CASP10: variants seen among roughly 807,000 people sequenced by gnomAD.
The protein encoded by CASP10 is caspase-10.
CASP10 carries 41 observed loss-of-function variants against 48.5 expected under a neutral mutation model. That is an observed-to-expected ratio of 0.85 (90% CI 0.66 to 1.10). The LOEUF (loss-of-function observed/expected upper bound fraction) is 1.10, where lower values mean the gene tolerates loss of function less well. Ranked by LOEUF, CASP10 falls within the 50% of genes least tolerant of loss-of-function variation. CASP10 has a pLI of 0.00. For synonymous variants in CASP10, 232 were observed against 238.4 expected (o/e 0.97, Z 0.25); for missense variants, 614 against 614.5 (o/e 1.00, Z 0.01).
intron 6 of CASP10, 116 bp downstream of exon 6, chr2:201,203,882 TAATTC>T: frequency 1.2e-6 from 1 of 857,910 alleles, no homozygotes; most frequent in South Asian, 1.4e-5. Context: ...AAATAATGAA[TAATTC>T]ATTTTTTATT....
intron 2 of CASP10, among the ~76,000 whole-genome samples, chr2:201,186,889 T>C (rs1465561263): frequency 6.6e-6 from 1 of 152,140 alleles, no homozygotes; most frequent in African/African-American, 2.4e-5. Context: ...GTTTCCAACA[T>C]GTTGGCCAGG....
chr2:201,206,973 A>C (rs903312962), intron 7 of CASP10, among the ~76,000 whole-genome samples: 12 of 152,102 alleles, frequency 7.9e-5, no homozygotes, highest in African/African-American at 2.9e-4. Context: ...CTTAACTGTC[A>C]TGATTGAGCT....
chr2:201,209,162 CAGAAGTGCAATCCAGCCCATGCCGACGG>C lies in CASP10; in HGVS notation c.1016_1043del (p.Gln339ArgfsTer9). 1 of 1,611,980 alleles carries C rather than the reference CAGAAGTGCAATCCAGCCCATGCCGACGG, an allele frequency of 6.2e-7. No individual in the cohort carries two copies. Among genetic ancestry groups the C allele is most frequent in the Non-Finnish European group, 8.5e-7 (1 of 1,179,062 alleles). On this transcript the variant is annotated frameshift_variant, in exon 9 of 10. Coordinates refer to ENST00000286186, the MANE Select transcript of CASP10 (RefSeq NM_032977.4). LOFTEE classifies it high-confidence loss of function. Reference sequence around the variant, plus strand: ...GGAAATGGAGATGGTCCTGCAGAAGCAGAAGTGCAATCCAGCCCATGCCGACGGGGACTGCTTCGTGTTCTGTATTCTG... The same window carrying C: ...GGAAATGGAGATGGTCCTGCAGAAGCGGACTGCTTCGTGTTCTGTATTCTG...
rs538700438 is a variant in CASP10, at chr2:201,206,110, C to T, written c.813+137C>T. ...TTTAAGGGCTCCGAGCTGTTTGTTT[C>T]AGACTTGTTTCTCCCTCTCTCTGTA... is the stretch of plus-strand genomic sequence containing the variant. On this transcript the variant is annotated intron_variant, in intron 7 of 9. Transcript: ENST00000286186. 1.3e-5 allele frequency: 8 copies of T among 612,102 alleles called. No individual in the cohort carries two copies. In the South Asian group the frequency reaches 1.4e-4, roughly 11 times the overall value. 37.9% of individuals were successfully genotyped at this position (612,102 alleles called of 1,614,324 possible).
chr2:201,217,818 T>A lies in CASP10; in HGVS notation c.*77T>A, dbSNP rs191438878. 9.3e-6 allele frequency: 15 copies of A among 1,612,514 alleles called. No individual in the cohort carries two copies. The highest frequency in any genetic ancestry group is 1.2e-5 in the Non-Finnish European group (14 of 1,179,170). ...TCCAGCCTCCTGCCCAGCACAGGAATCGGTGGTCTCCACCTGTCATTCTAG... is the reference window on the plus strand; with the variant it reads ...TCCAGCCTCCTGCCCAGCACAGGAAACGGTGGTCTCCACCTGTCATTCTAG... On this transcript the variant is annotated 3_prime_UTR_variant, in exon 10 of 10. Transcript: ENST00000286186.
At chr2:201,200,389 CG>C in intron 5 of CASP10, 1 of 1,512,688 alleles carries the variant, frequency 6.6e-7, no homozygotes, top group South Asian at 1.1e-5. Flanking sequence ...TCTCCACATT[CG>C]TAAGTTGGCT....
intron 7 of CASP10, among the ~76,000 whole-genome samples, chr2:201,206,840 G>A (rs1945224204): frequency 1.3e-5 from 2 of 152,016 alleles, no homozygotes; most frequent in Non-Finnish European, 2.9e-5. Context: ...AAAAATCTTT[G>A]ATATTTATGT....
At chr2:201,193,298 C>T in intron 4 of CASP10, 179 bp downstream of exon 4, 4 of 532,816 alleles carry the variant, frequency 7.5e-6, no homozygotes, top group Non-Finnish European at 1.4e-5. Context: ...ACCTCCGCCT[C>T]CCGGGTTCAA....
chr2:201,205,389 C>A (rs966810047), intron 6 of CASP10, among the ~76,000 whole-genome samples: 3 of 151,756 alleles, frequency 2.0e-5, no homozygotes, highest in Non-Finnish European at 2.9e-5. Context: ...CCATGCCCAG[C>A]TAATTTTTTG....
chr2:201,195,818 TTCTG>T lies in CASP10; in HGVS notation c.578-18_578-15del, dbSNP rs759715336. On this transcript the variant is annotated intron_variant, in intron 4 of 9. Transcript: ENST00000286186. Reference sequence around the variant, plus strand: ...GCTAGTCAGAAGGTGATTTTTATTTTTCTGTCTGTGATTTTATTTTCAGCTATCC... The same window carrying T: ...GCTAGTCAGAAGGTGATTTTTATTTTTCTGTGATTTTATTTTCAGCTATCC... 1 of 1,570,976 alleles carries T rather than the reference TTCTG, an allele frequency of 6.4e-7. No individual in the cohort carries two copies. Among genetic ancestry groups the T allele is most frequent in the Non-Finnish European group, 8.8e-7 (1 of 1,140,904 alleles).
At chr2:201,196,918 A>C (rs777845566) in intron 5 of CASP10, among the ~76,000 whole-genome samples, 1 of 152,126 alleles carries the variant, frequency 6.6e-6, no homozygotes, top group Non-Finnish European at 1.5e-5. Flanking sequence ...ACCTCATATA[A>C]GTAGAACCAT....
At chr2:201,194,858 A>C (rs932439872) in intron 4 of CASP10, among the ~76,000 whole-genome samples, 1 of 152,014 alleles carries the variant, frequency 6.6e-6, no homozygotes, top group Non-Finnish European at 1.5e-5. Context: ...GGCTCACTGC[A>C]AGATCTGCCT....
In CASP10 at chr2:201,192,980, G is replaced by A. The variant is rs1395754109; in HGVS notation, c.442-4G>A. The A allele has an allele frequency of 1.2e-6, 2 of 1,612,946 alleles. No individual in the cohort carries two copies. The highest frequency in any genetic ancestry group is 2.2e-5 in the South Asian group (2 of 91,044). On this transcript the variant is annotated splice_polypyrimidine_tract_variant and splice_region_variant and intron_variant, in intron 3 of 9. Coordinates refer to ENST00000286186, the MANE Select transcript of CASP10 (RefSeq NM_032977.4). ...TAAATGTAACTCTATTGATTCTCTTGTAGACCTCCCTAAGTTTCCTGGCAT... is the reference window on the plus strand; with the variant it reads ...TAAATGTAACTCTATTGATTCTCTTATAGACCTCCCTAAGTTTCCTGGCAT...
At position 201,218,704 on chromosome 2, in the gene CASP10, A is replaced by G. The variant is rs1945647328; in HGVS notation, c.*963A>G. 1 of 985,370 alleles carries G rather than the reference A, an allele frequency of 1.0e-6. No homozygotes were observed. The highest frequency in any genetic ancestry group is 4.7e-5 in the South Asian group (1 of 21,276). The allele number at this position is 985,370 out of a possible 1,614,324, so 61.0% of individuals were successfully genotyped here. A position where few individuals can be genotyped will look rare whatever the true frequency, so the allele number is the denominator to read the frequency against. On this transcript the variant is annotated 3_prime_UTR_variant, in exon 10 of 10. Coordinates refer to ENST00000286186, the MANE Select transcript of CASP10 (RefSeq NM_032977.4). ...TCTAGACAACTACCCCTTAGTTATA[A>G]TTCTGTGTCCCCTCTGCATGCCCTT...
At position 201,219,698 on chromosome 2, in the gene CASP10, AC is replaced by A; in HGVS notation, c.*1958del. ...ATTAAGATTTTGAGCATTTTTACGT[AC>A]TTGAGCTTTTTTTTTTTTTTTTTTC... On this transcript the variant is annotated 3_prime_UTR_variant, in exon 10 of 10. Coordinates refer to ENST00000286186, the MANE Select transcript of CASP10 (RefSeq NM_032977.4). 2.1e-6 allele frequency: 2 copies of A among 966,948 alleles called. No individual in the cohort carries two copies. The highest frequency in any genetic ancestry group is 2.4e-6 in the Non-Finnish European group (2 of 823,724). 59.9% of individuals were successfully genotyped at this position (966,948 alleles called of 1,614,324 possible).
intron 9 of CASP10, among the ~76,000 whole-genome samples, chr2:201,227,851 G>A (rs545021573): frequency 1.3e-5 from 2 of 151,800 alleles, no homozygotes; most frequent in East Asian, 1.9e-4. Flanking sequence ...GAGCCACCGC[G>A]CCCGGCCCCC....
At chr2:201,200,219 C>T (rs1944964510) in intron 5 of CASP10, among the ~76,000 whole-genome samples, 1 of 152,108 alleles carries the variant, frequency 6.6e-6, no homozygotes, top group African/African-American at 2.4e-5. Context: ...TTTCCCCACG[C>T]AATTAATAAG....
chr2:201,196,405 C>T (rs1944798053), intron 5 of CASP10, among the ~76,000 whole-genome samples: 1 of 152,158 alleles, frequency 6.6e-6, no homozygotes, highest in African/African-American at 2.4e-5. Flanking sequence ...AAGAGGTTTG[C>T]CAAGCATGTA....
intron 5 of CASP10, among the ~76,000 whole-genome samples, chr2:201,198,528 A>AT (rs1944888497): frequency 1.9e-5 from 2 of 106,446 alleles, no homozygotes; most frequent in Non-Finnish European, 1.9e-5. Flanking sequence ...CCCGGCCTTT[A>AT]TTTTTTAATT....
Sources: gnomAD v4.1 joint callset for allele counts (sites outside exome capture counted in the v4.1 genomes callset) on GRCh38, gnomAD v4.1.1 for gene constraint, MANE v1.5 for transcripts, NCBI Gene and HGNC (gene_info 2026-07-23, HGNC 2026-07-21) for gene names.